Variants in CD44 observed in about 807,000 individuals in gnomAD.
CD44 encodes the protein CD44 molecule (IN blood group).
Under a neutral mutation model 88.8 loss-of-function variants are expected in CD44, and 49 were observed. That is an observed-to-expected ratio of 0.55 (90% confidence interval 0.44 to 0.70). CD44 has a LOEUF of 0.70. CD44 is among the 30% of genes least tolerant of loss of function. The pLI, the probability that CD44 is intolerant of heterozygous loss-of-function variation, is 0.00. For missense variants in CD44, 883 were observed against 913.8 expected (o/e 0.97, Z 0.43); for synonymous variants, 325 against 312.3 (o/e 1.04, Z -0.43).
At chr11:35,215,230 A>G (rs760538155) in intron 15 of CD44, among the ~76,000 whole-genome samples, 2 of 152,240 alleles carry the variant, frequency 1.3e-5, no homozygotes, top group Non-Finnish European at 2.9e-5. Flanking sequence ...AGCCTCAGGA[A>G]GAATTCAAGC....
Position 35,168,847 on chromosome 11 carries a change from T to G in CD44, c.68-7728T>G, listed in dbSNP as rs78865085. ...TGTTTGCCATGTTCCCTAGGAGATC[T>G]GGCCTCAGAAATGGCCCTGTGATGG... On this transcript the variant is annotated intron_variant, in intron 1 of 17. Transcript: ENST00000428726. Among the ~76,000 whole-genome samples the G allele has an allele frequency of 9.8e-3, 1,493 of 152,332 alleles. 16 individuals carry two copies. The highest frequency in any genetic ancestry group is 0.035 in the African/African-American group (1,437 of 41,576).
chr11:35,218,750 G>A (rs1389958506), intron 15 of CD44, among the ~76,000 whole-genome samples: 1 of 152,174 alleles, frequency 6.6e-6, no homozygotes, highest in Non-Finnish European at 1.5e-5. Context: ...TGGTAGCTTT[G>A]AGATGAGGCA....
At chr11:35,144,468 G>A (rs1186003607) in intron 1 of CD44, among the ~76,000 whole-genome samples, 1 of 152,340 alleles carries the variant, frequency 6.6e-6, no homozygotes, top group East Asian at 1.9e-4. Context: ...GGTTGTAGGC[G>A]TTCTTTAGAA....
At chr11:35,171,995 G>A (rs1205454252) in intron 1 of CD44, among the ~76,000 whole-genome samples, 1 of 151,988 alleles carries the variant, frequency 6.6e-6, no homozygotes, top group Non-Finnish European at 1.5e-5. Flanking sequence ...CTCTGGTGAA[G>A]CTTTTCGATA....
rs150406838 is a variant in CD44 at position 35,224,495 on chromosome 11, T to C, written c.2024+2763T>C. On this transcript the variant is annotated intron_variant, in intron 17 of 17. Coordinates refer to ENST00000428726, the MANE Select transcript of CD44 (RefSeq NM_000610.4). ...TCACTCCATGTGCAGTGGCTCACTTTGGGAGGCCGAGGCAGTGGATTAGTT... is the reference window on the plus strand; with the variant it reads ...TCACTCCATGTGCAGTGGCTCACTTCGGGAGGCCGAGGCAGTGGATTAGTT... Among the ~76,000 whole-genome samples, 692 of 152,314 alleles carry C rather than the reference T, an allele frequency of 4.5e-3. 5 individuals are homozygous for C. The highest frequency in any genetic ancestry group is 0.016 in the African/African-American group (676 of 41,566).
At chr11:35,166,285 G>A (rs924594277) in intron 1 of CD44, among the ~76,000 whole-genome samples, 3 of 152,172 alleles carry the variant, frequency 2.0e-5, no homozygotes, top group African/African-American at 4.8e-5. Context: ...AGACGCACTC[G>A]TCAAAGACTA....
intron 11 of CD44, among the ~76,000 whole-genome samples, chr11:35,206,678 C>A (rs1249966159): frequency 1.5e-5 from 2 of 132,280 alleles, no homozygotes; most frequent in African/African-American, 2.8e-5. Flanking sequence ...GTGGGGGGGG[C>A]AGTTTTCCTA....
intron 1 of CD44, among the ~76,000 whole-genome samples, chr11:35,163,474 C>T (rs1037807807): frequency 7.9e-5 from 12 of 152,088 alleles, no homozygotes; most frequent in African/African-American, 2.4e-5. Flanking sequence ...ATGGAGTATG[C>T]GAACCAGATG....
At chr11:35,181,905 T>TTATATATTATATATTATATATA (rs1565080534) in intron 3 of CD44, among the ~76,000 whole-genome samples, 2 of 66,080 alleles carry the variant, frequency 3.0e-5, no homozygotes, top group Non-Finnish European at 5.1e-5. Context: ...ATATAATATA[T>TTATATATTATATATTATATATA]AATATATATT....
intron 1 of CD44, among the ~76,000 whole-genome samples, chr11:35,141,255 G>T (rs947894107): frequency 2.0e-5 from 3 of 152,168 alleles, no homozygotes; most frequent in African/African-American, 7.2e-5. Flanking sequence ...CAGCTCCACT[G>T]AGCTCCAAAG....
At chr11:35,228,060 T>TG (rs1366077399) in intron 17 of CD44, among the ~76,000 whole-genome samples, 2 of 152,194 alleles carry the variant, frequency 1.3e-5, no homozygotes, top group Admixed American at 6.5e-5. Flanking sequence ...TGCTTGTAGT[T>TG]GTGAAGCTAT....
chr11:35,188,070 T>G (rs1945871052), intron 4 of CD44, among the ~76,000 whole-genome samples: 1 of 152,216 alleles, frequency 6.6e-6, no homozygotes, highest in South Asian at 2.1e-4. Context: ...CTGCTAACCC[T>G]GATCTTACGG....
chr11:35,169,531 C>T (rs1024653377), intron 1 of CD44, among the ~76,000 whole-genome samples: 1 of 152,188 alleles, frequency 6.6e-6, no homozygotes, highest in South Asian at 2.1e-4. Context: ...CCTTGCAGCC[C>T]AGCTCCAATA....
intron 1 of CD44, among the ~76,000 whole-genome samples, chr11:35,155,219 A>G (rs1941699121): frequency 6.6e-6 from 1 of 152,196 alleles, no homozygotes; most frequent in African/African-American, 2.4e-5. Context: ...ACCAATCATG[A>G]TCCACCCACT....
intron 1 of CD44, among the ~76,000 whole-genome samples, chr11:35,167,252 T>TTGTG (rs5791035): frequency 1.6e-4 from 24 of 151,154 alleles, no homozygotes; most frequent in Non-Finnish European, 3.0e-4. Context: ...CCACTGAGTT[T>TTGTG]TGTGTGTGTG....
chr11:35,190,687 T>A (rs569909301), intron 5 of CD44, among the ~76,000 whole-genome samples: 18 of 152,378 alleles, frequency 1.2e-4, no homozygotes, highest in African/African-American at 4.3e-4. Flanking sequence ...ATTGATAGTG[T>A]AATATTCAGT....
At chr11:35,212,231 A>T (rs75137824) in intron 14 of CD44, among the ~76,000 whole-genome samples, 9,320 of 152,184 alleles carry the variant, frequency 0.061, 461 homozygotes, top group African/African-American at 0.13. Flanking sequence ...TGTAGTGAAG[A>T]AATAAAAAAC....
At chr11:35,184,893 G>A (rs533294316) in intron 3 of CD44, among the ~76,000 whole-genome samples, 2 of 152,276 alleles carry the variant, frequency 1.3e-5, no homozygotes, top group Non-Finnish European at 2.9e-5. Flanking sequence ...TTTACTGGAA[G>A]AATAGACCCT....
intron 1 of CD44, among the ~76,000 whole-genome samples, chr11:35,171,730 A>C (rs1943919052): frequency 6.6e-6 from 1 of 152,222 alleles, no homozygotes; most frequent in Admixed American, 6.5e-5. Context: ...CATTTAGTCC[A>C]TCCCTAAAGA....
Sources: gnomAD v4.1 joint callset for allele counts (sites outside exome capture counted in the v4.1 genomes callset) on GRCh38, gnomAD v4.1.1 for gene constraint, MANE v1.5 for transcripts, NCBI Gene and HGNC (gene_info 2026-07-23, HGNC 2026-07-21) for gene names.